The following RPH3AL variants were observed in gnomAD, a reference collection of about 807,000 sequenced individuals.
RPH3AL encodes the protein rabphilin 3A like (without C2 domains).
In RPH3AL, 38 loss-of-function variants were observed where a neutral mutation model predicts 43.1. The ratio of observed to expected loss-of-function variants is 0.88; its 90% CI spans 0.68 to 1.15. RPH3AL has a LOEUF of 1.15. Among genes scored for constraint, RPH3AL ranks in the 50% most tolerant of loss-of-function variants. The probability of loss-of-function intolerance (pLI) is 0.00; values close to 1 mark genes in which losing one functional copy is unlikely to be tolerated. For missense variants in RPH3AL, 462 were observed against 423.2 expected, an observed-to-expected ratio of 1.09 and a Z score of -0.81; for synonymous variants, 189 against 176.3, an observed-to-expected ratio of 1.07 and a Z score of -0.57.
At position 219,716 on chromosome 17, in the gene RPH3AL, T is replaced by G. The variant is rs763529093; in HGVS notation, c.634A>C (p.Ser212Arg). ...CTGGAGGAGCTAAGATCCGAGTCAC[T>G]GTCACTGTCACTGGAAACCACTGGA... ...RGRVVSSDSD[S>R]DSDLSSSSLE... Residue 212 changes from serine to arginine, a missense_variant, in exon 8 of 10, where the codon AGT (serine) becomes CGT (arginine). Physicochemically the swap from Ser to Arg is moderately radical, Grantham distance 110. Coordinates refer to ENST00000331302, the MANE Select transcript of RPH3AL (RefSeq NM_006987.4). The G allele has an allele frequency of 6.2e-7, 1 of 1,613,218 alleles. No homozygotes were observed. The highest frequency in any genetic ancestry group is 8.5e-7 in the Non-Finnish European group (1 of 1,179,578).
rs968058998 is a variant in RPH3AL at position 225,064 on chromosome 17, G to GT, written c.614-5329dup. On this transcript the variant is annotated intron_variant, in intron 7 of 9. Coordinates refer to ENST00000331302, the MANE Select transcript of RPH3AL (RefSeq NM_006987.4). The surrounding 1 kb of genome is among the most constrained non-coding windows in gnomAD (Gnocchi z 4.4). Reference sequence around the variant, plus strand: ...ACCAACACGGCACATGTATACAGATGTAACAAACCTGCACGTTATGCACAT... The same window carrying GT: ...ACCAACACGGCACATGTATACAGATGTTAACAAACCTGCACGTTATGCACAT... Among the ~76,000 whole-genome samples the GT allele has an allele frequency of 2.6e-4, 39 of 150,318 alleles. No individual in the cohort carries two copies. The highest frequency in any genetic ancestry group is 5.0e-4 in the Non-Finnish European group (34 of 67,822).
rs891499524 is a variant in RPH3AL at position 322,075 on chromosome 17, G to C, written c.78-660C>G. ...TTTGAAAACTAGCAGGTTCGAGGCG[G>C]GGGGGAAGCGAGTTACAGAAGAGGA... is the stretch of plus-strand genomic sequence containing the variant. On this transcript the variant is annotated intron_variant, in intron 3 of 9. Coordinates refer to ENST00000331302, the MANE Select transcript of RPH3AL (RefSeq NM_006987.4). This position sits in a 1 kb window ranked among gnomAD's most constrained non-coding sequence, Gnocchi z 4.0. 2.6e-5 allele frequency among the ~76,000 whole-genome samples: 4 copies of C among 152,170 alleles called. No individual in the cohort carries two copies. The highest frequency in any genetic ancestry group is 7.2e-5 in the African/African-American group (3 of 41,452).
At chr17:343,357 A>G (rs1019887999) in intron 1 of RPH3AL, among the ~76,000 whole-genome samples, 1 of 152,184 alleles carries the variant, frequency 6.6e-6, no homozygotes, top group Non-Finnish European at 1.5e-5. Context: ...ATTAGCTCCA[A>G]ATGAATCTGG....
chr17:243,779 C>G (rs1050583364), intron 7 of RPH3AL, among the ~76,000 whole-genome samples: 2 of 148,668 alleles, frequency 1.3e-5, no homozygotes, highest in Non-Finnish European at 3.0e-5. Context: ...CTACCTTCCT[C>G]TATTGATTAC....
intron 5 of RPH3AL, among the ~76,000 whole-genome samples, chr17:314,711 G>GA (rs74212407): frequency 0.017 from 391 of 23,292 alleles, no homozygotes; most frequent in African/African-American, 0.051. Context: ...TAGTCTCTGT[G>GA]CTCCACCTCC....
intron 7 of RPH3AL, among the ~76,000 whole-genome samples, chr17:232,842 G>A (rs2041261048): frequency 6.9e-5 from 3 of 43,234 alleles, no homozygotes; most frequent in South Asian, 2.0e-3. Flanking sequence ...GTGTGTGTGT[G>A]TGTGTGTGTG....
chr17:293,131 A>G (rs1347135340), intron 5 of RPH3AL, among the ~76,000 whole-genome samples: 1 of 151,596 alleles, frequency 6.6e-6, no homozygotes, highest in Non-Finnish European at 1.5e-5. Flanking sequence ...TGGCCTGGGG[A>G]CCACCTGCGA....
chr17:281,755 C>G lies in RPH3AL; in HGVS notation c.438+13G>C. The G allele has an allele frequency of 1.9e-6, 3 of 1,611,788 alleles. No individual in the cohort carries two copies. The highest frequency in any genetic ancestry group is 2.5e-6 in the Non-Finnish European group (3 of 1,178,474). On this transcript the variant is annotated intron_variant, in intron 6 of 9. Coordinates refer to ENST00000331302, the MANE Select transcript of RPH3AL (RefSeq NM_006987.4). ...CCACTCAGCCCTCCCCACCGTCACC[C>G]TGGACGCCCTACCTCTCTTTGCTCA...
intron 7 of RPH3AL, among the ~76,000 whole-genome samples, chr17:231,618 G>T (rs970527187): frequency 6.6e-6 from 1 of 152,230 alleles, no homozygotes; most frequent in African/African-American, 2.4e-5. Flanking sequence ...AGCGGCTGGA[G>T]ATGGACGTGC....
At chr17:272,988 G>GTCAGGGAGAGACCCCAGCAAGGGTGACT (rs2042529256) in intron 6 of RPH3AL, among the ~76,000 whole-genome samples, 1 of 37,968 alleles carries the variant, frequency 2.6e-5, no homozygotes, top group African/African-American at 8.5e-5. Flanking sequence ...CAAGGGCTAC[G>GTCAGGGAGAGACCCCAGCAAGGGTGACT]TCAGGGTGAG....
chr17:337,667 C>A (rs2044996234), intron 1 of RPH3AL, among the ~76,000 whole-genome samples: 2 of 152,236 alleles, frequency 1.3e-5, no homozygotes, highest in Admixed American at 1.3e-4. Context: ...ACAGCGGCAC[C>A]TCTCAGTTTC....
At chr17:332,653 A>G (rs1368917263) in intron 2 of RPH3AL, 1 of 228,672 alleles carries the variant, frequency 4.4e-6, no homozygotes, top group Non-Finnish European at 9.0e-6. Context: ...GACTCTAACC[A>G]GGCTCTGCGA....
chr17:242,968 CTACCTTCCTCTATTGAA>C (rs1266042150), intron 7 of RPH3AL, among the ~76,000 whole-genome samples: 2,197 of 113,372 alleles, frequency 0.019, 241 homozygotes, highest in Non-Finnish European at 0.031. Flanking sequence ...CCTCTATTGA[CTACCTTCCTCTATTGAA>C]TACCTTCCTC....
intron 5 of RPH3AL, among the ~76,000 whole-genome samples, chr17:286,939 C>T (rs796780669): frequency 0.19 from 8,802 of 46,324 alleles, 673 homozygotes; most frequent in East Asian, 0.33. Flanking sequence ...GACCTCGCAC[C>T]CTCTCTCTCC....
rs373275836 is a variant in RPH3AL, at chr17:281,905, C to T, written c.352-51G>A. 103 of 1,393,250 alleles carry T rather than the reference C, an allele frequency of 7.4e-5. No homozygotes were observed. In the African/African-American group the frequency reaches 9.6e-4, roughly 13 times the overall value. The allele number at this position is 1,393,250 out of a possible 1,614,324, so 86.3% of individuals were successfully genotyped here. A position where few individuals can be genotyped will look rare whatever the true frequency, so the allele number is the denominator to read the frequency against. On this transcript the variant is annotated intron_variant, in intron 5 of 9. Coordinates refer to ENST00000331302, the MANE Select transcript of RPH3AL (RefSeq NM_006987.4). ...TAAAGATTGCAGCCGCTTCCTCCTC[C>T]GCCGAGGGGCTCAGACAACTGTAAC...
At chr17:235,460 A>G (rs1567570999) in intron 7 of RPH3AL, among the ~76,000 whole-genome samples, 1 of 137,750 alleles carries the variant, frequency 7.3e-6, no homozygotes, top group Admixed American at 7.3e-5. Flanking sequence ...CAGGGTTCAA[A>G]GCTGGGGTCG....
intron 7 of RPH3AL, among the ~76,000 whole-genome samples, chr17:235,424 G>A (rs1167310297): frequency 2.8e-5 from 4 of 140,724 alleles, no homozygotes; most frequent in South Asian, 2.4e-4. Context: ...GGGGTCGGCC[G>A]AGGCTCTGCA....
intron 6 of RPH3AL, among the ~76,000 whole-genome samples, chr17:259,107 C>T (rs1306400783): frequency 1.3e-5 from 2 of 152,144 alleles, no homozygotes; most frequent in African/African-American, 4.8e-5. Flanking sequence ...GTAACGGGGC[C>T]TCGCTCCGAT....
intron 6 of RPH3AL, among the ~76,000 whole-genome samples, chr17:278,135 G>A (rs1279378388): frequency 6.6e-6 from 1 of 152,112 alleles, no homozygotes; most frequent in East Asian, 1.9e-4. Context: ...GAGGGACCCA[G>A]TGGGAGGTAA....
Sources: gnomAD v4.1 joint callset for allele counts (sites outside exome capture counted in the v4.1 genomes callset) on GRCh38, gnomAD v4.1.1 for gene constraint, Gnocchi (gnomAD v3.1) non-coding constraint, MANE v1.5 for transcripts, NCBI Gene and HGNC (gene_info 2026-07-23, HGNC 2026-07-21) for gene names.